ARID4B: variants seen among roughly 807,000 people sequenced by gnomAD.
ARID4B encodes AT-rich interaction domain 4B.
Under a neutral mutation model 147.5 loss-of-function variants are expected in ARID4B, and 26 were observed. The observed-to-expected ratio is 0.18, with a 90% CI of 0.13 to 0.24. ARID4B has a LOEUF of 0.24. Among genes scored for constraint, ARID4B ranks in the 10% least tolerant of loss-of-function variants. ARID4B has a pLI of 1.00. For synonymous variants in ARID4B, 512 were observed against 507.9 expected (o/e 1.01, Z -0.11); for missense variants, 1,179 against 1,511.5 (o/e 0.78, Z 3.65).
rs1340219984 is a variant in ARID4B, at chr1:235,294,432, C to A, written c.6+32482G>T. Among the ~76,000 whole-genome samples, 158 of 114,422 alleles carry A rather than the reference C, an allele frequency of 1.4e-3. 1 individual carries two copies. The highest frequency in any genetic ancestry group is 2.4e-3 in the Non-Finnish European group (134 of 56,024). 75.1% of individuals were successfully genotyped at this position (114,422 alleles called of 152,430 possible). A position where few individuals can be genotyped will look rare whatever the true frequency, so the allele number is the denominator to read the frequency against. The stretch of plus-strand genomic sequence containing the variant: ...GGTTCAAGCAATTCTCCCGCTTGAA[C>A]CCAGGGGTTCAAGCAATTCTCCCGC... On this transcript the variant is annotated intron_variant, in intron 2 of 23. Coordinates refer to ENST00000264183, the MANE Select transcript of ARID4B (RefSeq NM_016374.6).
intron 2 of ARID4B, among the ~76,000 whole-genome samples, chr1:235,301,115 G>A (rs1286106443): frequency 1.4e-5 from 2 of 143,954 alleles, no homozygotes; most frequent in African/African-American, 5.3e-5. Context: ...TGAATTCCTG[G>A]GCTCAAACAA....
intron 4 of ARID4B, among the ~76,000 whole-genome samples, 176 bp from the exon 5 acceptor site, chr1:235,255,926 C>T (rs984435057): frequency 2.6e-5 from 4 of 152,064 alleles, no homozygotes; most frequent in Non-Finnish European, 5.9e-5. Flanking sequence ...GCAATCCCAG[C>T]ACTTTGAGGG....
chr1:235,244,298 C>A (rs1417050012), intron 7 of ARID4B, among the ~76,000 whole-genome samples: 4 of 152,114 alleles, frequency 2.6e-5, no homozygotes, highest in Non-Finnish European at 5.9e-5. Flanking sequence ...AGCAGTTGCA[C>A]ATAAACTTTT....
At chr1:235,231,230 A>C (rs749840605) in intron 9 of ARID4B, 41 bp from the exon 10 acceptor site, 40 of 1,023,532 alleles carry the variant, frequency 3.9e-5, no homozygotes, top group Non-Finnish European at 5.7e-6. Flanking sequence ...AAAAAAACCC[A>C]AAATATGACT....
Position 235,319,763 on chromosome 1 carries a change from G to A in ARID4B, c.6+7151C>T, listed in dbSNP as rs569065784. 1.2e-3 allele frequency among the ~76,000 whole-genome samples: 176 copies of A among 152,138 alleles called. 1 individual carries two copies. Among genetic ancestry groups the A allele is most frequent in the African/African-American group, 4.1e-3 (169 of 41,522 alleles). The stretch of plus-strand genomic sequence containing the variant: ...GGCTCACACTTTGGGAGGCCAAGGC[G>A]GGCGGATCACTTAAGGTCAGGAGTT... On this transcript the variant is annotated intron_variant, in intron 2 of 23. Transcript: ENST00000264183.
At chr1:235,239,035 T>G (rs1357908989) in intron 8 of ARID4B, among the ~76,000 whole-genome samples, 3 of 150,656 alleles carry the variant, frequency 2.0e-5, no homozygotes, top group Non-Finnish European at 4.4e-5. Context: ...CACACTGGAG[T>G]GCAGTGGCGC....
At chr1:235,207,696 A>C (rs528363999) in intron 17 of ARID4B, among the ~76,000 whole-genome samples, 1 of 152,290 alleles carries the variant, frequency 6.6e-6, no homozygotes, top group Non-Finnish European at 1.5e-5. Context: ...GTGGGTATTC[A>C]ACTTATGTTT....
chr1:235,255,517 A>C (rs1314550178), intron 5 of ARID4B, 143 bp downstream of exon 5: 12 of 525,936 alleles, frequency 2.3e-5, no homozygotes, highest in African/African-American at 2.0e-4. Flanking sequence ...ATAAATTTTT[A>C]AAAGATGTGG....
At chr1:235,236,833 A>ATATATATATATATATATATATATGTATGT (rs1668597409) in intron 8 of ARID4B, among the ~76,000 whole-genome samples, 4 of 33,522 alleles carry the variant, frequency 1.2e-4, no homozygotes, top group African/African-American at 6.0e-4. Context: ...TTTTATAAAA[A>ATATATATATATATATATATATATGTATGT]ATATATATAT....
chr1:235,216,461 C>T (rs577154656), intron 16 of ARID4B, among the ~76,000 whole-genome samples: 1 of 152,168 alleles, frequency 6.6e-6, no homozygotes, highest in South Asian at 2.1e-4. Flanking sequence ...AATTCTCCTG[C>T]TTCAGCTTCC....
rs114065955 is a variant in ARID4B at position 235,169,954 on chromosome 1, G to A, written c.3812-1302C>T. ...TGGAATTACAGGCGTGAGCAATTGC[G>A]CCCGGCCTCTCTGTTATAAATTAGT... On this transcript the variant is annotated intron_variant, in intron 23 of 23. Coordinates refer to ENST00000264183, the MANE Select transcript of ARID4B (RefSeq NM_016374.6). Among the ~76,000 whole-genome samples the A allele has an allele frequency of 5.1e-3, 777 of 152,204 alleles. 7 individuals carry two copies. Among genetic ancestry groups the A allele is most frequent in the African/African-American group, 0.018 (742 of 41,512 alleles).
chr1:235,282,378 T>C (rs898551415), intron 2 of ARID4B, among the ~76,000 whole-genome samples: 1 of 152,214 alleles, frequency 6.6e-6, no homozygotes, highest in Non-Finnish European at 1.5e-5. Flanking sequence ...CAGGATATAA[T>C]CAACGCAAAG....
chr1:235,204,178 C>T (rs1477852996), intron 17 of ARID4B, among the ~76,000 whole-genome samples: 2 of 152,030 alleles, frequency 1.3e-5, no homozygotes, highest in Non-Finnish European at 2.9e-5. Context: ...AAAAATTAGC[C>T]GGGCATGGTG....
chr1:235,295,135 T>C (rs1174180196), intron 2 of ARID4B, among the ~76,000 whole-genome samples: 1 of 152,156 alleles, frequency 6.6e-6, no homozygotes, highest in Non-Finnish European at 1.5e-5. Context: ...CATTATGGTA[T>C]TGTTATCTCA....
intron 23 of ARID4B, among the ~76,000 whole-genome samples, chr1:235,171,645 C>CT (rs372666527): frequency 0.14 from 20,129 of 146,130 alleles, 1,552 homozygotes; most frequent in African/African-American, 0.21. Context: ...GGATAGATGT[C>CT]TTTTTTTTTT....
At chr1:235,296,831 A>AAGGG (rs1327328772) in intron 2 of ARID4B, among the ~76,000 whole-genome samples, 1,207 of 16,182 alleles carry the variant, frequency 0.075, 37 homozygotes, top group East Asian at 0.35. Flanking sequence ...GGAAGGAAGG[A>AAGGG]AGGAAGGGAG....
intron 2 of ARID4B, among the ~76,000 whole-genome samples, chr1:235,324,064 C>T (rs1358451454): frequency 1.3e-5 from 2 of 151,934 alleles, no homozygotes. Context: ...TGCCACCATG[C>T]CCAGCTAATT....
chr1:235,315,352 C>G (rs935668095), intron 2 of ARID4B, among the ~76,000 whole-genome samples: 1 of 152,170 alleles, frequency 6.6e-6, no homozygotes, highest in African/African-American at 2.4e-5. Flanking sequence ...ATCACTTGAG[C>G]CCAGGAGCTG....
At chr1:235,321,693 G>A (rs1674851088) in intron 2 of ARID4B, among the ~76,000 whole-genome samples, 1 of 152,016 alleles carries the variant, frequency 6.6e-6, no homozygotes, top group Non-Finnish European at 1.5e-5. Flanking sequence ...TAGAGACGGG[G>A]TTTCACTGTG....
Sources: gnomAD v4.1 joint callset for allele counts (sites outside exome capture counted in the v4.1 genomes callset) on GRCh38, gnomAD v4.1.1 for gene constraint, MANE v1.5 for transcripts, NCBI Gene and HGNC (gene_info 2026-07-23, HGNC 2026-07-21) for gene names.